PSMD5: variants seen among roughly 807,000 people sequenced by gnomAD.
The protein encoded by PSMD5 is proteasome 26S subunit, non-ATPase 5.
Under a neutral mutation model 52.1 loss-of-function variants are expected in PSMD5, and 40 were observed. The ratio of observed to expected loss-of-function variants is 0.77; its 90% CI spans 0.60 to 1.00. The LOEUF is 1.00. PSMD5 is among the 50% of genes least tolerant of loss of function. PSMD5 has a pLI of 0.00. For missense variants in PSMD5, 575 were observed against 605.2 expected (o/e 0.95, Z 0.52); for synonymous variants, 211 against 226.6 (o/e 0.93, Z 0.62).
intron 2 of PSMD5, among the ~76,000 whole-genome samples, chr9:120,832,459 C>A (rs1192971981): frequency 6.8e-6 from 1 of 146,610 alleles, no homozygotes; most frequent in African/African-American, 2.5e-5. Flanking sequence ...TGCAGTGGCG[C>A]GATCTCAGCT....
chr9:120,834,193 G>A (rs1433638430), intron 1 of PSMD5, among the ~76,000 whole-genome samples: 2 of 151,840 alleles, frequency 1.3e-5, no homozygotes, highest in African/African-American at 4.8e-5. Context: ...TGTTAGCCAT[G>A]ATGATCTCGA....
chr9:120,828,470 G>A (rs2045138457), intron 5 of PSMD5, among the ~76,000 whole-genome samples: 1 of 129,706 alleles, frequency 7.7e-6, no homozygotes, highest in South Asian at 2.4e-4. Context: ...TTGAGACAGA[G>A]TCTTACTCTG....
At chr9:120,819,754 T>A (rs1407791575) in intron 9 of PSMD5, among the ~76,000 whole-genome samples, 1 of 152,072 alleles carries the variant, frequency 6.6e-6, no homozygotes, top group Non-Finnish European at 1.5e-5. Flanking sequence ...GAGAATGGCG[T>A]GAACCCGGGA....
At chr9:120,840,284 A>AT (rs1476814667) in intron 1 of PSMD5, among the ~76,000 whole-genome samples, 6 of 150,218 alleles carry the variant, frequency 4.0e-5, no homozygotes, top group African/African-American at 1.5e-4. Flanking sequence ...CGCCCAGTTA[A>AT]TTTTTTGTTT....
intron 2 of PSMD5, among the ~76,000 whole-genome samples, chr9:120,832,789 C>T (rs1564477282): frequency 6.6e-6 from 1 of 152,190 alleles, no homozygotes; most frequent in Non-Finnish European, 1.5e-5. Context: ...CAAGATAATC[C>T]TTAGCAGCAG....
Position 120,821,344 on chromosome 9 carries a change from T to C in PSMD5, c.1116+11A>G. 3 of 1,494,264 alleles carry C rather than the reference T, an allele frequency of 2.0e-6. No homozygotes were observed. Among genetic ancestry groups the C allele is most frequent in the Non-Finnish European group, 2.7e-6 (3 of 1,092,474 alleles). 92.6% of individuals were successfully genotyped at this position (1,494,264 alleles called of 1,614,324 possible). On this transcript the variant is annotated intron_variant, in intron 8 of 9. Transcript: ENST00000210313. ...ATCCCACTGTCCTTCATTATTTCCC[T>C]ACCTACTTACTGGTAAGTACAGAAG...
At chr9:120,828,333 G>C (rs1436506309) in intron 5 of PSMD5, among the ~76,000 whole-genome samples, 1 of 150,954 alleles carries the variant, frequency 6.6e-6, no homozygotes, top group Non-Finnish European at 1.5e-5. Flanking sequence ...TCTGAGAGAT[G>C]AGGAAACTGA....
At chr9:120,828,986 C>T in intron 5 of PSMD5, 113 bp downstream of exon 5, 2 of 1,324,772 alleles carry the variant, frequency 1.5e-6, no homozygotes, top group South Asian at 4.0e-5. Flanking sequence ...ACACATCAGT[C>T]ATGAGATTGC....
rs565802205 is a variant in PSMD5 at position 120,827,017 on chromosome 9, G to C, written c.672-110C>G. The C allele has an allele frequency of 1.3e-4, 156 of 1,162,604 alleles. No homozygotes were observed. The African/African-American group carries it at 1.4e-3, about 10-fold the overall frequency. 72.0% of individuals were successfully genotyped at this position (1,162,604 alleles called of 1,614,324 possible). A position where few individuals can be genotyped will look rare whatever the true frequency, so the allele number is the denominator to read the frequency against. On this transcript the variant is annotated intron_variant, in intron 5 of 9. Transcript: ENST00000210313. The stretch of plus-strand genomic sequence containing the variant: ...TTAATTCTTCTTATCACATTCGAAA[G>C]GTCAATAATCTTGGCTCCTCTTTTC...
intron 4 of PSMD5, 114 bp downstream of exon 4, chr9:120,831,217 C>T: frequency 6.2e-6 from 7 of 1,124,006 alleles, no homozygotes; most frequent in Non-Finnish European, 8.5e-6. Context: ...ATATTCCCAG[C>T]ACCTACTGTA....
At chr9:120,839,239 A>C (rs867563513) in intron 1 of PSMD5, among the ~76,000 whole-genome samples, 2 of 152,136 alleles carry the variant, frequency 1.3e-5, no homozygotes, top group African/African-American at 2.4e-5. Flanking sequence ...TGGAGGAAAA[A>C]AGTGAGGTTG....
At chr9:120,822,034 A>G (rs1426386086) in intron 7 of PSMD5, among the ~76,000 whole-genome samples, 1 of 152,206 alleles carries the variant, frequency 6.6e-6, no homozygotes, top group Non-Finnish European at 1.5e-5. Flanking sequence ...TATATACCTG[A>G]AAGTGGAGCT....
chr9:120,817,890 T>C lies in PSMD5; in HGVS notation c.*16A>G. ...TTTGGTCAAAACGTGGTCCTCTACA[T>C]GAGCTCTAGAAGAAATCATTCGGCT... On this transcript the variant is annotated 3_prime_UTR_variant, in exon 10 of 10. Transcript: ENST00000210313. 2 of 1,601,900 alleles carry C rather than the reference T, an allele frequency of 1.2e-6. No homozygotes were observed. The highest frequency in any genetic ancestry group is 1.1e-5 in the South Asian group (1 of 90,470).
intron 7 of PSMD5, among the ~76,000 whole-genome samples, chr9:120,821,864 A>C (rs1337123757): frequency 6.6e-6 from 1 of 152,250 alleles, no homozygotes; most frequent in Non-Finnish European, 1.5e-5. Context: ...TTAAAGGCTG[A>C]GTAATATTCA....
At position 120,820,961 on chromosome 9, in the gene PSMD5, C is replaced by T. The variant is rs1273782783; in HGVS notation, c.1135G>A (p.Asp379Asn). The T allele has an allele frequency of 1.3e-6, 2 of 1,594,270 alleles. No individual in the cohort carries two copies. Among genetic ancestry groups the T allele is most frequent in the African/African-American group, 1.4e-5 (1 of 73,964 alleles). Residue 379 changes from aspartate (D) to asparagine (N), a missense_variant, in exon 9 of 10, where the codon GAC becomes AAC. By Grantham distance (23) the Asp-to-Asn change is conservative. Coordinates refer to ENST00000210313, the MANE Select transcript of PSMD5 (RefSeq NM_005047.4). ...CAGGATTCTGTCATCCTCAGAAGGT[C>T]ATCAGTCTGCTGCTCAGGCTACAGG... The part of the protein sequence containing the change: ...LYLPPEQQTD[D>N]LLRMTESWFS...
chr9:120,833,394 T>A lies in PSMD5; in HGVS notation c.236A>T (p.His79Leu). 1 of 1,614,006 alleles carries A rather than the reference T, an allele frequency of 6.2e-7. No individual in the cohort carries two copies. Among genetic ancestry groups the A allele is most frequent in the South Asian group, 1.1e-5 (1 of 91,072 alleles). The change falls in exon 2 of 10, where the codon CAC (histidine) becomes CTC (leucine). Residue 79 changes from histidine (H) to leucine (L), a missense_variant. Physicochemically the swap from His to Leu is moderately conservative, Grantham distance 99. Coordinates refer to ENST00000210313, the MANE Select transcript of PSMD5 (RefSeq NM_005047.4). The stretch of plus-strand genomic sequence containing the variant: ...GTCAACCCTGAGGTTCCGGGCCACG[T>A]GAACCGGTTCCATAGCTTGGAGCAA... The part of the protein sequence containing the change: ...ERLLQAMEPV[H>L]VARNLRVDLQ...
chr9:120,821,262 G>A, intron 8 of PSMD5, 93 bp downstream of exon 8: 1 of 895,592 alleles, frequency 1.1e-6, no homozygotes, highest in South Asian at 2.0e-5. Flanking sequence ...TTATCTTCTT[G>A]TATTTACTTC....
intron 9 of PSMD5, among the ~76,000 whole-genome samples, chr9:120,819,714 G>A (rs761064543): frequency 2.6e-5 from 4 of 152,110 alleles, no homozygotes; most frequent in Admixed American, 6.5e-5. Context: ...GTGGGCGCCC[G>A]TAGGCTAGCT....
intron 1 of PSMD5, among the ~76,000 whole-genome samples, chr9:120,835,595 G>GT (rs1472901079): frequency 6.6e-6 from 1 of 152,090 alleles, no homozygotes; most frequent in Non-Finnish European, 1.5e-5. Context: ...GGGTGTGGTA[G>GT]TGGGCGCCTG....
Sources: allele counts gnomAD v4.1 joint callset (sites outside exome capture counted in the v4.1 genomes callset), GRCh38; gene constraint gnomAD v4.1.1; transcripts MANE v1.5; gene names NCBI Gene and HGNC (gene_info 2026-07-23, HGNC 2026-07-21).